TACC1: variants seen among roughly 807,000 people sequenced by gnomAD.
TACC1 encodes the protein transforming acidic coiled-coil containing protein 1.
TACC1 carries 48 observed loss-of-function variants against 84.4 expected under a neutral mutation model. That is an observed-to-expected ratio of 0.57 (90% confidence interval 0.45 to 0.72). The LOEUF is 0.72. Among genes scored for constraint, TACC1 ranks in the 30% least tolerant of loss-of-function variants. TACC1 has a pLI of 0.00. For synonymous variants in TACC1, 372 were observed against 376.3 expected (o/e 0.99, Z 0.13); for missense variants, 920 against 973.0 (o/e 0.95, Z 0.72).
chr8:38,740,537 G>T (rs1806860586), intron 1 of TACC1, among the ~76,000 whole-genome samples: 1 of 152,182 alleles, frequency 6.6e-6, no homozygotes, highest in Non-Finnish European at 1.5e-5. Flanking sequence ...ATAGATCAAG[G>T]AGTTGAATGC....
intron 3 of TACC1, among the ~76,000 whole-genome samples, chr8:38,765,895 A>G (rs1812157331): frequency 2.0e-5 from 3 of 151,996 alleles, no homozygotes; most frequent in Non-Finnish European, 4.4e-5. Context: ...TTACCAGCCT[A>G]GCCAATTTTC....
chr8:38,843,920 ATG>A (rs1386777881), intron 11 of TACC1, among the ~76,000 whole-genome samples: 2 of 152,196 alleles, frequency 1.3e-5, no homozygotes, highest in East Asian at 3.8e-4. Context: ...AGTTATCTTT[ATG>A]ATCTGTATGT....
chr8:38,845,297 G>A (rs975590659), intron 11 of TACC1, among the ~76,000 whole-genome samples: 2 of 152,160 alleles, frequency 1.3e-5, no homozygotes, highest in Non-Finnish European at 2.9e-5. Flanking sequence ...ATCTGTAGAA[G>A]CAGAAGTTCC....
intron 3 of TACC1, chr8:38,757,435 G>A (rs527715007): frequency 4.3e-6 from 5 of 1,174,286 alleles, no homozygotes; most frequent in Non-Finnish European, 5.4e-6. Context: ...CTCTCCAAGG[G>A]CCGCCTTTGG....
At chr8:38,753,395 T>C (rs765004129) in intron 3 of TACC1, among the ~76,000 whole-genome samples, 3 of 152,180 alleles carry the variant, frequency 2.0e-5, no homozygotes, top group Non-Finnish European at 4.4e-5. Flanking sequence ...TGAGCCACCA[T>C]GTCCAGCCTT....
intron 1 of TACC1, among the ~76,000 whole-genome samples, chr8:38,730,322 G>C (rs889900796): frequency 6.6e-6 from 1 of 152,246 alleles, no homozygotes; most frequent in Non-Finnish European, 1.5e-5. Flanking sequence ...GACAGACAAG[G>C]GGCAGAGCCC....
chr8:38,758,446 G>A (rs997656154), intron 3 of TACC1, among the ~76,000 whole-genome samples: 4 of 152,190 alleles, frequency 2.6e-5, no homozygotes, highest in South Asian at 2.1e-4. Flanking sequence ...GGGAGGCCGA[G>A]GGGGGCAGAT....
chr8:38,842,955 CTTTA>C (rs1563970302), intron 10 of TACC1, among the ~76,000 whole-genome samples: 1 of 152,110 alleles, frequency 6.6e-6, no homozygotes, highest in African/African-American at 2.4e-5. Context: ...AATGAAATGG[CTTTA>C]TTTTCATATT....
chr8:38,782,842 G>T (rs1362556645), upstream of TACC1, among the ~76,000 whole-genome samples: 2 of 152,134 alleles, frequency 1.3e-5, no homozygotes, highest in African/African-American at 4.8e-5. Context: ...GGAAGAATTA[G>T]GGATAATGTT....
chr8:38,757,804 G>A (rs1333529727), intron 3 of TACC1, among the ~76,000 whole-genome samples: 3 of 152,168 alleles, frequency 2.0e-5, no homozygotes, highest in South Asian at 2.1e-4. Flanking sequence ...GTCTCAAAAC[G>A]CAATTGGCGT....
At chr8:38,812,353 C>T (rs767306593) in intron 2 of TACC1, among the ~76,000 whole-genome samples, 3 of 152,098 alleles carry the variant, frequency 2.0e-5, no homozygotes, top group Admixed American at 6.6e-5. Context: ...TTTTGCAGCT[C>T]AGGGGACATC....
intron 1 of TACC1, among the ~76,000 whole-genome samples, chr8:38,729,273 C>A (rs1804438860): frequency 6.6e-6 from 1 of 152,244 alleles, no homozygotes; most frequent in African/African-American, 2.4e-5. Context: ...GGATGTGGCA[C>A]AGACCCTGGT....
chr8:38,743,792 C>CA (rs1807539398), intron 2 of TACC1, among the ~76,000 whole-genome samples: 1 of 152,158 alleles, frequency 6.6e-6, no homozygotes, highest in African/African-American at 2.4e-5. Flanking sequence ...GAGGATGAGG[C>CA]AGGAGGATCA....
At chr8:38,779,242 T>C (rs1327465043) in intron 3 of TACC1, among the ~76,000 whole-genome samples, 1 of 152,194 alleles carries the variant, frequency 6.6e-6, no homozygotes, top group Non-Finnish European at 1.5e-5. Flanking sequence ...CCAAAAGTGC[T>C]GGGATTATAG....
At chr8:38,798,595 T>A (rs1358949510) in intron 2 of TACC1, among the ~76,000 whole-genome samples, 2 of 139,310 alleles carry the variant, frequency 1.4e-5, no homozygotes, top group African/African-American at 5.2e-5. Context: ...TAGTTTGTTG[T>A]CTGGGTTCTG....
intron 3 of TACC1, chr8:38,757,302 A>C: frequency 7.9e-7 from 1 of 1,258,612 alleles, no homozygotes. Context: ...CCAGCACAGG[A>C]GGGTGCAGCC....
intron 6 of TACC1, 25 bp downstream of exon 6, chr8:38,831,202 G>T (rs200656458): frequency 1.2e-6 from 2 of 1,613,276 alleles, no homozygotes; most frequent in Non-Finnish European, 1.7e-6. Flanking sequence ...GTGGAGGGCC[G>T]GGTGGACTCA....
At position 38,820,382 on chromosome 8, in the gene TACC1, A is replaced by T. The variant is rs757952428; in HGVS notation, c.1138A>T (p.Thr380Ser). 1.9e-5 allele frequency: 30 copies of T among 1,613,908 alleles called. No homozygotes were observed. The highest frequency in any genetic ancestry group is 2.5e-5 in the Non-Finnish European group (29 of 1,180,008). ...PVARDGPLSQ[T>S]SSKPDPSQWE... ...GGCACGAGACGGGCCTCTCTCCCAA[A>T]CATCTTCCAAGCCAGATCCTAGTCA... Residue 380 changes from threonine to serine, a missense_variant, in exon 3 of 13, where the codon ACA becomes TCA. Physicochemically the swap from Thr to Ser is moderately conservative, Grantham distance 58 (BLOSUM62 1). Transcript: ENST00000317827.
At chr8:38,803,252 C>T (rs573841241) in intron 2 of TACC1, among the ~76,000 whole-genome samples, 1 of 152,190 alleles carries the variant, frequency 6.6e-6, no homozygotes, top group South Asian at 2.1e-4. Flanking sequence ...ATAGGGATAC[C>T]TTTTATTTCT....
Sources: gnomAD v4.1 joint callset for allele counts (sites outside exome capture counted in the v4.1 genomes callset) on GRCh38, gnomAD v4.1.1 for gene constraint, MANE v1.5 for transcripts, NCBI Gene and HGNC (gene_info 2026-07-23, HGNC 2026-07-21) for gene names.